The following PCSK6 variants were observed in gnomAD, a reference collection of about 807,000 sequenced individuals.
PCSK6 encodes the protein paired basic amino acid cleaving enzyme 4.
A neutral mutation model predicts 123.3 loss-of-function variants in PCSK6; 85 were observed. The observed-to-expected ratio is 0.69, with a 90% CI of 0.58 to 0.83. PCSK6 has a LOEUF of 0.83. Among genes scored for constraint, PCSK6 ranks in the 40% least tolerant of loss-of-function variants. The pLI is 0.00. For synonymous variants in PCSK6, 508 were observed against 516.0 expected, an observed-to-expected ratio of 0.98 and a Z score of 0.21; for missense variants, 1,191 against 1,282.3, an observed-to-expected ratio of 0.93 and a Z score of 1.09.
intron 20 of PCSK6, 193 bp downstream of exon 20, chr15:101,313,183 G>A (rs754971349): frequency 2.6e-6 from 4 of 1,515,192 alleles, no homozygotes; most frequent in Admixed American, 2.0e-5. Context: ...CCACAGCAGG[G>A]ACCCAACAAA....
At chr15:101,385,309 C>T (rs2042028128) in intron 9 of PCSK6, among the ~76,000 whole-genome samples, 1 of 152,210 alleles carries the variant, frequency 6.6e-6, no homozygotes, top group African/African-American at 2.4e-5. Flanking sequence ...TGAGCCACCA[C>T]ACCTGGCCCA....
chr15:101,324,775 C>T, intron 17 of PCSK6, 75 bp downstream of exon 17: 1 of 1,261,996 alleles, frequency 7.9e-7, no homozygotes, highest in Non-Finnish European at 1.1e-6. Flanking sequence ...GGGAAATTCT[C>T]CCTGGAGAGA....
intron 13 of PCSK6, among the ~76,000 whole-genome samples, chr15:101,351,613 T>C (rs1192277177): frequency 6.6e-6 from 1 of 152,256 alleles, no homozygotes; most frequent in Non-Finnish European, 1.5e-5. Flanking sequence ...TATTTTATTA[T>C]TTGTAAATTG....
intron 13 of PCSK6, among the ~76,000 whole-genome samples, chr15:101,343,992 C>T (rs535001170): frequency 6.6e-6 from 1 of 152,100 alleles, no homozygotes; most frequent in South Asian, 2.1e-4. Context: ...AGGAGAATCA[C>T]TTGTATGTGG....
In PCSK6 at chr15:101,393,332, G is replaced by A. The variant is rs1253809837; in HGVS notation, c.1089C>T (p.Ser363=). ...CGCTGCTGACGGAGATGGTGTAGAT[G>A]CTGTTGGTGTAGCCATCGCACGAGC... is the stretch of plus-strand genomic sequence containing the variant. ...DYCSCDGYTN[S]IYTISVSSAT... Residue 363 remains serine (S), a synonymous_variant, in exon 8 of 22, where the codon AGC becomes AGT. Transcript: ENST00000611716. 6.2e-7 allele frequency: 1 copy of A among 1,609,596 alleles called. No homozygotes were observed. The highest frequency in any genetic ancestry group is 1.3e-5 in the African/African-American group (1 of 74,266).
intron 1 of PCSK6, among the ~76,000 whole-genome samples, chr15:101,464,766 G>T (rs2057417698): frequency 6.6e-6 from 1 of 152,186 alleles, no homozygotes; most frequent in Non-Finnish European, 1.5e-5. Context: ...TCACCAAGGG[G>T]TTAGGAAAAT....
chr15:101,447,444 T>C (rs1364190295), intron 1 of PCSK6, among the ~76,000 whole-genome samples: 1 of 152,154 alleles, frequency 6.6e-6, no homozygotes, highest in Admixed American at 6.5e-5. Context: ...GTTAAGACTA[T>C]GTCACACTGT....
chr15:101,471,888 C>G (rs976847725), intron 1 of PCSK6, among the ~76,000 whole-genome samples: 2 of 152,172 alleles, frequency 1.3e-5, no homozygotes, highest in African/African-American at 4.8e-5. Flanking sequence ...TTCACTTGGC[C>G]TGTCTATGAG....
intron 7 of PCSK6, among the ~76,000 whole-genome samples, chr15:101,394,021 T>A (rs1596281960): frequency 6.6e-6 from 1 of 152,194 alleles, no homozygotes; most frequent in South Asian, 2.1e-4. Context: ...AGCTTGTGGG[T>A]GTCCTGTCAG....
intron 1 of PCSK6, among the ~76,000 whole-genome samples, chr15:101,469,557 C>T (rs2057551843): frequency 6.6e-6 from 1 of 152,210 alleles, no homozygotes; most frequent in Non-Finnish European, 1.5e-5. Context: ...CAAGAGGGTC[C>T]TCTTTTGCGT....
In PCSK6 at chr15:101,389,466, T is replaced by G; in HGVS notation, c.1308A>C (p.Ala436=). The G allele has an allele frequency of 6.2e-7, 1 of 1,611,404 alleles. No homozygotes were observed. The highest frequency in any genetic ancestry group is 8.5e-7 in the Non-Finnish European group (1 of 1,177,880). The change falls in exon 9 of 22, where the codon GCA becomes GCC. Residue 436 remains alanine (A), a splice_region_variant and synonymous_variant. Coordinates refer to ENST00000611716, the MANE Select transcript of PCSK6 (RefSeq NM_002570.5). ...GAAAAAGGTAAGTGGGAACTTACTT[T>G]GCTTCTAGAGCCAAGGCGATGATGC... ...VAGIIALALE[A]NSQLTWRDVQ... is the part of the protein sequence containing the mutation.
At chr15:101,337,723 A>G (rs560150062) in intron 13 of PCSK6, among the ~76,000 whole-genome samples, 26 of 152,344 alleles carry the variant, frequency 1.7e-4, no homozygotes, top group Non-Finnish European at 3.4e-4. Flanking sequence ...GGCAGGGAAC[A>G]TGTCTCTCTT....
At chr15:101,412,495 A>G (rs1292421794) in intron 6 of PCSK6, among the ~76,000 whole-genome samples, 1 of 151,968 alleles carries the variant, frequency 6.6e-6, no homozygotes, top group Non-Finnish European at 1.5e-5. Context: ...CACCTAGGTG[A>G]GCAATTACAA....
chr15:101,311,065 G>C (rs929918846), intron 20 of PCSK6, among the ~76,000 whole-genome samples: 2 of 152,120 alleles, frequency 1.3e-5, no homozygotes, highest in African/African-American at 4.8e-5. Flanking sequence ...TTGGTGATGA[G>C]TGAGTTCATG....
intron 1 of PCSK6, 71 bp downstream of exon 1, chr15:101,489,303 G>A (rs1459402828): frequency 3.5e-5 from 34 of 973,564 alleles, no homozygotes; most frequent in South Asian, 4.1e-5. Flanking sequence ...ACAGGACTGC[G>A]GAGGCGCCCC....
At chr15:101,313,339 C>G (rs914442199) in intron 20 of PCSK6, 37 bp downstream of exon 20, 1 of 1,612,444 alleles carries the variant, frequency 6.2e-7, no homozygotes, top group Non-Finnish European at 8.5e-7. Flanking sequence ...CTTTGCTGGA[C>G]ACAGCTGCCT....
intron 13 of PCSK6, chr15:101,347,158 T>C (rs768272753): frequency 1.1e-4 from 139 of 1,231,676 alleles, no homozygotes; most frequent in Non-Finnish European, 1.3e-4. Flanking sequence ...AGTGACAAAC[T>C]TGAAAGCCGG....
intron 11 of PCSK6, among the ~76,000 whole-genome samples, chr15:101,380,406 T>C (rs181367604): frequency 6.6e-6 from 1 of 152,270 alleles, no homozygotes; most frequent in African/African-American, 2.4e-5. Flanking sequence ...CCCACCTCCC[T>C]CACCTAGCCT....
Position 101,305,086 on chromosome 15 carries a change from CCTT to C in PCSK6, c.*169_*171del, listed in dbSNP as rs1340620291. 7 of 601,648 alleles carry C rather than the reference CCTT, an allele frequency of 1.2e-5. No individual in the cohort carries two copies. In the Admixed American group the frequency reaches 2.0e-4, roughly 17 times the overall value. The allele number at this position is 601,648 out of a possible 1,614,324, so 37.3% of individuals were successfully genotyped here. On this transcript the variant is annotated 3_prime_UTR_variant, in exon 22 of 22. Transcript: ENST00000611716. The surrounding 1 kb of genome is among the most constrained non-coding windows in gnomAD (Gnocchi z 4.8). ...GGATATCACCATTTTAGGAACACCT[CCTT>C]AAGAGCCACCACCCACCTGGCTTGG...
Sources: allele counts gnomAD v4.1 joint callset (sites outside exome capture counted in the v4.1 genomes callset), GRCh38; gene constraint gnomAD v4.1.1; non-coding constraint Gnocchi (gnomAD v3.1); transcripts MANE v1.5; gene names NCBI Gene and HGNC (gene_info 2026-07-23, HGNC 2026-07-21).